Variants in AFF1 observed in about 807,000 individuals in gnomAD.
The protein encoded by AFF1 is ALF transcription elongation factor 1, also known as AF4/FMR2 family member 1.
A neutral mutation model predicts 121.7 loss-of-function variants in AFF1; 48 were observed. That is an observed-to-expected ratio of 0.39 (90% CI 0.31 to 0.50). The LOEUF (loss-of-function observed/expected upper bound fraction) is 0.50. AFF1 is among the 20% of genes least tolerant of loss of function. The pLI, the probability that AFF1 is intolerant of heterozygous loss-of-function variation, is 0.76. For synonymous variants in AFF1, 613 were observed against 563.0 expected (o/e 1.09, Z -1.26); for missense variants, 1,523 against 1,511.7 (o/e 1.01, Z -0.12).
chr4:86,969,879 C>CAA (rs70953629), intron 2 of AFF1, among the ~76,000 whole-genome samples: 10 of 63,632 alleles, frequency 1.6e-4, no homozygotes, highest in South Asian at 8.9e-4. Context: ...GACTCCGTCT[C>CAA]AAAAAAAAAA....
chr4:87,131,683 C>T, intron 17 of AFF1, 110 bp from the exon 18 acceptor site: 1 of 958,188 alleles, frequency 1.0e-6, no homozygotes, highest in African/African-American at 1.7e-5. Flanking sequence ...TCCTGTGATG[C>T]TCTCATCTCT....
At chr4:86,984,731 T>A (rs1665016669) in intron 2 of AFF1, among the ~76,000 whole-genome samples, 2 of 151,924 alleles carry the variant, frequency 1.3e-5, no homozygotes, top group South Asian at 4.2e-4. Context: ...TGTCCAGGAG[T>A]TTGACATCAG....
intron 2 of AFF1, chr4:86,949,532 T>TTAG: frequency 3.1e-6 from 1 of 324,618 alleles, no homozygotes; most frequent in Non-Finnish European, 4.6e-6. Flanking sequence ...ATTATTATTA[T>TTAG]TATTATTTTT....
chr4:87,094,879 G>C, intron 7 of AFF1, 36 bp from the exon 8 acceptor site: 1 of 1,601,436 alleles, frequency 6.2e-7, no homozygotes, highest in Non-Finnish European at 8.6e-7. Context: ...GTAAATATGT[G>C]TCATTGTGCT....
At chr4:86,990,506 C>T (rs1225070713) in intron 2 of AFF1, among the ~76,000 whole-genome samples, 3 of 151,940 alleles carry the variant, frequency 2.0e-5, no homozygotes, top group Non-Finnish European at 2.9e-5. Context: ...TGAAGGGGAA[C>T]CTAAGTTCTT....
At position 87,046,991 on chromosome 4, in the gene AFF1, T is replaced by G. The variant is rs764109987; in HGVS notation, c.456T>G (p.Ser152Arg). ...AGCCAAGAACTGAACCAATGCCAAGTCTCCATGCCAAAAGCTGCGGCCCAC... is the reference window on the plus strand; with the variant it reads ...AGCCAAGAACTGAACCAATGCCAAGGCTCCATGCCAAAAGCTGCGGCCCAC... ...MAQPRTEPMP[S>R]LHAKSCGPPD... The change falls in exon 4 of 21, where the codon AGT (serine) becomes AGG (arginine). Residue 152 changes from serine to arginine, a missense_variant. Physicochemically the swap from Ser to Arg is moderately radical, Grantham distance 110 (BLOSUM62 -1). Transcript: ENST00000395146. 6.2e-7 allele frequency: 1 copy of G among 1,614,028 alleles called. No homozygotes were observed. Among genetic ancestry groups the G allele is most frequent in the Admixed American group, 1.7e-5 (1 of 60,010 alleles).
intron 12 of AFF1, among the ~76,000 whole-genome samples, chr4:87,117,138 C>T (rs1411351374): frequency 6.6e-6 from 1 of 152,130 alleles, no homozygotes; most frequent in East Asian, 1.9e-4. Flanking sequence ...CAGTTCATAC[C>T]CCAGTGCAAA....
At chr4:87,102,660 A>G (rs1345790648) in intron 8 of AFF1, among the ~76,000 whole-genome samples, 3 of 152,222 alleles carry the variant, frequency 2.0e-5, no homozygotes, top group African/African-American at 4.8e-5. Context: ...TAGGATACCT[A>G]CCAGTTTCTA....
At chr4:87,082,972 G>A (rs78277967) in intron 4 of AFF1, among the ~76,000 whole-genome samples, 3 of 152,276 alleles carry the variant, frequency 2.0e-5, no homozygotes, top group Non-Finnish European at 2.9e-5. Context: ...ACCAAAAAGA[G>A]CAGAGTTTTA....
chr4:87,124,392 T>C (rs878962140), intron 12 of AFF1, among the ~76,000 whole-genome samples: 1 of 152,178 alleles, frequency 6.6e-6, no homozygotes, highest in Non-Finnish European at 1.5e-5. Context: ...AAGACAGTAT[T>C]AAAAAAATTG....
chr4:87,127,195 CTG>C, intron 15 of AFF1, 78 bp downstream of exon 15: 1 of 1,197,678 alleles, frequency 8.3e-7, no homozygotes, highest in East Asian at 2.8e-5. Context: ...GAGTCTCACT[CTG>C]TCACCCAGGC....
chr4:86,999,201 C>T (rs747314627), intron 2 of AFF1, among the ~76,000 whole-genome samples: 4 of 152,158 alleles, frequency 2.6e-5, no homozygotes, highest in Non-Finnish European at 4.4e-5. Context: ...AAAAAACACA[C>T]GGTAAAATAT....
chr4:87,098,630 C>T lies in AFF1; in HGVS notation c.1283+3661C>T, dbSNP rs369081395. Among the ~76,000 whole-genome samples the T allele has an allele frequency of 5.9e-5, 9 of 152,312 alleles. No individual in the cohort carries two copies. In the East Asian group the frequency reaches 1.7e-3, roughly 29 times the overall value. On this transcript the variant is annotated intron_variant, in intron 8 of 20. Coordinates refer to ENST00000395146, the MANE Select transcript of AFF1 (RefSeq NM_001166693.3). The stretch of plus-strand genomic sequence containing the variant: ...TTTGTATATTCTAGCTAACTTGTTT[C>T]TTCCCCTACCCCAAAATTGCCAAGT...
chr4:86,973,036 A>C (rs1723052116), intron 2 of AFF1, among the ~76,000 whole-genome samples: 1 of 152,184 alleles, frequency 6.6e-6, no homozygotes, highest in African/African-American at 2.4e-5. Flanking sequence ...AAACTGAAAA[A>C]GGACAATCTC....
At chr4:87,069,555 T>TCTTTCCCTCTCCTC (rs1721780078) in intron 4 of AFF1, among the ~76,000 whole-genome samples, 1 of 117,818 alleles carries the variant, frequency 8.5e-6, no homozygotes, top group Non-Finnish European at 1.6e-5. Flanking sequence ...TCTCTCCCCT[T>TCTTTCCCTCTCCTC]TCCCTCTCCT....
intron 4 of AFF1, among the ~76,000 whole-genome samples, chr4:87,066,145 CT>C (rs1721326516): frequency 6.6e-6 from 1 of 152,152 alleles, no homozygotes; most frequent in Admixed American, 6.6e-5. Context: ...ATCATTTTTA[CT>C]TATTGATTGG....
intron 2 of AFF1, among the ~76,000 whole-genome samples, chr4:86,999,620 TAG>T (rs1484037000): frequency 6.6e-6 from 1 of 152,216 alleles, no homozygotes; most frequent in East Asian, 1.9e-4. Flanking sequence ...GTTACACATT[TAG>T]AGAGTTACTG....
At chr4:87,033,053 G>A (rs926668761) in intron 2 of AFF1, among the ~76,000 whole-genome samples, 5 of 152,220 alleles carry the variant, frequency 3.3e-5, no homozygotes, top group Admixed American at 6.5e-5. Context: ...AGGAGGCTGA[G>A]GTGGGAGGAT....
intron 2 of AFF1, among the ~76,000 whole-genome samples, chr4:87,007,930 G>C (rs1726332323): frequency 6.6e-6 from 1 of 152,168 alleles, no homozygotes; most frequent in Non-Finnish European, 1.5e-5. Flanking sequence ...CCGCTTACGT[G>C]AATCTGCTGA....
Sources: allele counts gnomAD v4.1 joint callset (sites outside exome capture counted in the v4.1 genomes callset), GRCh38; gene constraint gnomAD v4.1.1; transcripts MANE v1.5; gene names NCBI Gene and HGNC (gene_info 2026-07-23, HGNC 2026-07-21).